The following NLGN1 variants were observed in gnomAD, a reference collection of about 807,000 sequenced individuals.
NLGN1 encodes neuroligin-1.
A neutral mutation model predicts 65.5 loss-of-function variants in NLGN1; 12 were observed. The ratio of observed to expected loss-of-function variants is 0.18; its 90% CI spans 0.12 to 0.30. The LOEUF (loss-of-function observed/expected upper bound fraction) is 0.30. Among genes scored for constraint, NLGN1 ranks in the 10% least tolerant of loss-of-function variants. The pLI, the probability that NLGN1 is intolerant of heterozygous loss-of-function variation, is 1.00. For missense variants in NLGN1, 750 were observed against 1,007.1 expected, an observed-to-expected ratio of 0.74 and a Z score of 3.46; for synonymous variants, 350 against 359.5, an observed-to-expected ratio of 0.97 and a Z score of 0.30.
chr3:173,539,779 T>C (rs115674046), intron 2 of NLGN1, among the ~76,000 whole-genome samples: 4,009 of 109,692 alleles, frequency 0.037, 226 homozygotes, highest in African/African-American at 0.12. Flanking sequence ...ATATAACACA[T>C]ATATATGTAC....
chr3:174,291,242 T>C (rs758700426), downstream of NLGN1, among the ~76,000 whole-genome samples: 4 of 149,902 alleles, frequency 2.7e-5, no homozygotes, highest in Non-Finnish European at 4.5e-5. Context: ...GATAAGAAGA[T>C]AGAAAAAGAA....
intron 4 of NLGN1, among the ~76,000 whole-genome samples, chr3:174,067,380 A>G (rs1192369542): frequency 6.6e-6 from 1 of 152,178 alleles, no homozygotes; most frequent in Non-Finnish European, 1.5e-5. Context: ...CTATTTAGAA[A>G]TAGTTGATCA....
chr3:173,861,845 A>ACCT (rs1181821684), intron 4 of NLGN1, among the ~76,000 whole-genome samples: 1 of 148,788 alleles, frequency 6.7e-6, no homozygotes, highest in Non-Finnish European at 1.5e-5. Context: ...TGCAGCCTCC[A>ACCT]CCTCCTGGGT....
chr3:173,656,541 A>G lies in NLGN1; in HGVS notation c.493+51450A>G, dbSNP rs1390759252. Among the ~76,000 whole-genome samples the G allele has an allele frequency of 2.0e-5, 3 of 152,000 alleles. No homozygotes were observed. In the East Asian group the frequency reaches 5.8e-4, roughly 29 times the overall value. ...TGTTTGGTTTTGGATTATTTTATTC[A>G]TTTGTTTGTTCATTTGCTGTTGGTG... On this transcript the variant is annotated intron_variant, in intron 3 of 6. Coordinates refer to ENST00000457714, the Ensembl canonical transcript of NLGN1.
At chr3:174,228,044 C>T (rs905664030) in intron 4 of NLGN1, among the ~76,000 whole-genome samples, 1 of 151,736 alleles carries the variant, frequency 6.6e-6, no homozygotes, top group Non-Finnish European at 1.5e-5. Context: ...TATTGTTATT[C>T]GCTCAGGATT....
At chr3:173,929,095 C>T (rs900084549) in intron 4 of NLGN1, among the ~76,000 whole-genome samples, 1 of 152,124 alleles carries the variant, frequency 6.6e-6, no homozygotes, top group African/African-American at 2.4e-5. Flanking sequence ...TTCTATGTAT[C>T]CAATCCAAAG....
intron 2 of NLGN1, among the ~76,000 whole-genome samples, chr3:173,456,068 T>G (rs1251938965): frequency 6.6e-6 from 1 of 152,128 alleles, no homozygotes; most frequent in African/African-American, 2.4e-5. Context: ...GGCCATCTGC[T>G]TTAGTAAGAC....
At chr3:173,618,152 C>T (rs1753417656) in intron 3 of NLGN1, among the ~76,000 whole-genome samples, 2 of 152,074 alleles carry the variant, frequency 1.3e-5, no homozygotes, top group Admixed American at 1.3e-4. Context: ...TGGTTATCAC[C>T]ATAAACATAT....
Position 173,918,692 on chromosome 3 carries a change from GTGTGTGTGTGTA to G in NLGN1, c.646+110862_646+110873del, listed in dbSNP as rs1191632194. On this transcript the variant is annotated intron_variant, in intron 4 of 6. Transcript: ENST00000457714. ...TGTGTGTGTGTGTGTGTGTGTGTGT[GTGTGTGTGTGTA>G]TATATATATATTGCATAGAATGGTA... Among the ~76,000 whole-genome samples, 175 of 137,708 alleles carry G rather than the reference GTGTGTGTGTGTA, an allele frequency of 1.3e-3. 1 individual carries two copies. Among genetic ancestry groups the G allele is most frequent in the East Asian group, 8.6e-3 (38 of 4,432 alleles). 90.3% of individuals were successfully genotyped at this position (137,708 alleles called of 152,430 possible).
intron 2 of NLGN1, among the ~76,000 whole-genome samples, chr3:173,597,198 A>G (rs1402678685): frequency 6.6e-6 from 1 of 152,190 alleles, no homozygotes; most frequent in Non-Finnish European, 1.5e-5. Context: ...CTCCTGTGTC[A>G]CAAAGGTGCA....
At chr3:173,465,550 C>T (rs1724203685) in intron 2 of NLGN1, among the ~76,000 whole-genome samples, 1 of 151,764 alleles carries the variant, frequency 6.6e-6, no homozygotes, top group South Asian at 2.1e-4. Context: ...ACGGAAATGC[C>T]AAGTAGGTAG....
chr3:174,035,985 T>C (rs1482453405), intron 4 of NLGN1, among the ~76,000 whole-genome samples: 4 of 152,150 alleles, frequency 2.6e-5, no homozygotes, highest in Non-Finnish European at 5.9e-5. Context: ...TTACTTGGTC[T>C]GATGTGGGAA....
At chr3:173,885,311 A>G (rs921912918) in intron 4 of NLGN1, among the ~76,000 whole-genome samples, 10 of 147,536 alleles carry the variant, frequency 6.8e-5, no homozygotes, top group African/African-American at 2.7e-4. Context: ...TTTTTCAAAC[A>G]TATGATATCT....
chr3:173,482,679 G>T (rs953861060), intron 2 of NLGN1, among the ~76,000 whole-genome samples: 4 of 151,722 alleles, frequency 2.6e-5, no homozygotes, highest in African/African-American at 9.7e-5. Flanking sequence ...TGACAGTTGG[G>T]CAGAGAGAGC....
intron 4 of NLGN1, among the ~76,000 whole-genome samples, chr3:173,882,545 A>C (rs1344327445): frequency 6.6e-6 from 1 of 152,202 alleles, no homozygotes; most frequent in Non-Finnish European, 1.5e-5. Context: ...TTCACATTGC[A>C]CTTTTATGTT....
chr3:173,557,527 T>A (rs1295318538), intron 2 of NLGN1, among the ~76,000 whole-genome samples: 1 of 152,282 alleles, frequency 6.6e-6, no homozygotes, highest in African/African-American at 2.4e-5. Context: ...ATTCTGTTTT[T>A]CTGTGCTCTT....
intron 4 of NLGN1, among the ~76,000 whole-genome samples, chr3:174,044,171 GCCCACAA>G (rs1732999147): frequency 6.6e-6 from 1 of 152,144 alleles, no homozygotes; most frequent in Admixed American, 6.6e-5. Context: ...CCTGGGCCTG[GCCCACAA>G]CACCATTGTT....
intron 4 of NLGN1, among the ~76,000 whole-genome samples, chr3:174,160,967 T>C (rs1726392674): frequency 6.6e-6 from 1 of 151,778 alleles, no homozygotes; most frequent in Non-Finnish European, 1.5e-5. Context: ...TAACCATCCT[T>C]CTACTCTCTA....
intron 4 of NLGN1, among the ~76,000 whole-genome samples, chr3:174,065,264 T>G (rs2152524393): frequency 6.6e-6 from 1 of 152,078 alleles, no homozygotes; most frequent in South Asian, 2.1e-4. Context: ...ATCAAAGAGC[T>G]TAACAAAAAT....
Sources: allele counts gnomAD v4.1 joint callset (sites outside exome capture counted in the v4.1 genomes callset), GRCh38; gene constraint gnomAD v4.1.1; transcripts MANE v1.5; gene names NCBI Gene and HGNC (gene_info 2026-07-23, HGNC 2026-07-21).